The following SFXN2 variants were observed in gnomAD, a reference collection of about 807,000 sequenced individuals.
SFXN2 encodes the protein sideroflexin 2.
Under a neutral mutation model 41.9 loss-of-function variants are expected in SFXN2, and 37 were observed. The ratio of observed to expected loss-of-function variants is 0.88; its 90% CI spans 0.68 to 1.16. The LOEUF (loss-of-function observed/expected upper bound fraction) is 1.16, where lower values mean the gene tolerates loss of function less well. SFXN2 is among the 50% of genes most tolerant of loss of function. SFXN2 has a pLI of 0.00. For synonymous variants in SFXN2, 150 were observed against 156.7 expected (o/e 0.96, Z 0.32); for missense variants, 386 against 425.2 (o/e 0.91, Z 0.81).
chr10:102,728,597 C>T (rs2064648552), intron 4 of SFXN2, 68 bp downstream of exon 4: 1 of 1,363,406 alleles, frequency 7.3e-7, no homozygotes, highest in African/African-American at 1.4e-5. Flanking sequence ...GGGTTCTGGG[C>T]TGTCAGTCCT....
rs755079168 is a variant in SFXN2, at chr10:102,732,267, G to A, written c.721+49G>A. On this transcript the variant is annotated intron_variant, in intron 8 of 11. Transcript: ENST00000369893. ...CCTGGGGAAGCCTGTGACACAGGGTGGAGGTCTCAGCCACACTCAGCTTTT... is the reference window on the plus strand; with the variant it reads ...CCTGGGGAAGCCTGTGACACAGGGTAGAGGTCTCAGCCACACTCAGCTTTT... 4 of 1,558,186 alleles carry A rather than the reference G, an allele frequency of 2.6e-6. No individual in the cohort carries two copies. In the East Asian group the frequency reaches 9.0e-5, roughly 35 times the overall value.
chr10:102,715,144 C>T (rs576002699), intron 1 of SFXN2: 1 of 152,452 alleles, frequency 6.6e-6, no homozygotes, highest in Admixed American at 6.5e-5. Flanking sequence ...GCGATTCTCC[C>T]GCCTCAGACT....
rs2136057036 is a variant in SFXN2 at position 102,732,961 on chromosome 10, TCTGTCC to T, written c.771+56_771+61del. ...CCTGCCCAGAGTGCGTCCAGCCACA[TCTGTCC>T]CTAGGGATACCTGACCTGCCCTCCC... is the stretch of plus-strand genomic sequence containing the variant. On this transcript the variant is annotated intron_variant, in intron 9 of 11. Transcript: ENST00000369893. 3.1e-6 allele frequency: 5 copies of T among 1,592,892 alleles called. No homozygotes were observed. The South Asian group carries it at 5.5e-5, about 18-fold the overall frequency.
rs1469989413 is a variant in SFXN2, at chr10:102,741,439, G to A, written c.*3677G>A. On this transcript the variant is annotated 3_prime_UTR_variant, in exon 12 of 12. Coordinates refer to ENST00000369893, the MANE Select transcript of SFXN2 (RefSeq NM_178858.6). ...CATGGGTAAAAGGTTCCATTGCTCG[G>A]GAGAGGAGGAGGAAGGGAAGAAGAA... is the stretch of plus-strand genomic sequence containing the variant. The A allele has an allele frequency of 6.6e-6, 1 of 152,230 alleles. No individual in the cohort carries two copies. Among genetic ancestry groups the A allele is most frequent in the African/African-American group, 2.4e-5 (1 of 41,434 alleles). The allele number at this position is 152,230 out of a possible 1,614,324, so 9.4% of individuals were successfully genotyped here.
chr10:102,732,131 C>G, intron 7 of SFXN2, 21 bp from the exon 8 acceptor site: 1 of 1,610,196 alleles, frequency 6.2e-7, no homozygotes, highest in Non-Finnish European at 8.5e-7. Flanking sequence ...TTTCTGACAA[C>G]TTACTATTTT....
At chr10:102,726,827 G>A in intron 2 of SFXN2, 30 bp downstream of exon 2, 1 of 1,613,146 alleles carries the variant, frequency 6.2e-7, no homozygotes, top group Non-Finnish European at 8.5e-7. Flanking sequence ...GCTGGAAGTA[G>A]TAGGGTAACA....
Position 102,734,252 on chromosome 10 carries a change from G to A in SFXN2, c.821+649G>A, listed in dbSNP as rs928580772. Among the ~76,000 whole-genome samples the A allele has an allele frequency of 2.6e-5, 4 of 152,156 alleles. No homozygotes were observed. The highest frequency in any genetic ancestry group is 5.9e-5 in the Non-Finnish European group (4 of 68,032). On this transcript the variant is annotated intron_variant, in intron 10 of 11. Coordinates refer to ENST00000369893, the MANE Select transcript of SFXN2 (RefSeq NM_178858.6). The surrounding 1 kb of genome is among the most constrained non-coding windows in gnomAD (Gnocchi z 4.1). ...TGTCATGTGTCCCAGACTCACACAGGAGGGAAATGCCACCAGTCACGTCAG... is the reference window on the plus strand; with the variant it reads ...TGTCATGTGTCCCAGACTCACACAGAAGGGAAATGCCACCAGTCACGTCAG...
intron 1 of SFXN2, among the ~76,000 whole-genome samples, chr10:102,723,034 C>A (rs1461008752): frequency 6.9e-6 from 1 of 144,374 alleles, no homozygotes; most frequent in Non-Finnish European, 1.5e-5. Context: ...TGGGCTCAAG[C>A]ATTCCTCCCA....
At chr10:102,722,032 C>G (rs2064516628) in intron 1 of SFXN2, among the ~76,000 whole-genome samples, 1 of 152,194 alleles carries the variant, frequency 6.6e-6, no homozygotes, top group African/African-American at 2.4e-5. Flanking sequence ...TCTCGTCCAG[C>G]TGGTCTCCCT....
rs1554866861 is a variant in SFXN2 at position 102,724,912 on chromosome 10, C to CG, written c.-25-1699dup. On this transcript the variant is annotated intron_variant, in intron 1 of 11. Coordinates refer to ENST00000369893, the MANE Select transcript of SFXN2 (RefSeq NM_178858.6). ...ATACTTGGCCTGTTTCTTCAAACTGCGTTTTTTTTTTTTTTCTTTTTAGTA... is the reference window on the plus strand; with the variant it reads ...ATACTTGGCCTGTTTCTTCAAACTGCGGTTTTTTTTTTTTTTCTTTTTAGTA... 3.5e-5 allele frequency: 3 copies of CG among 85,780 alleles called. No homozygotes were observed. The Admixed American group carries it at 4.4e-4, about 12-fold the overall frequency. The allele number at this position is 85,780 out of a possible 1,614,324, so 5.3% of individuals were successfully genotyped here.
rs749926645 is a variant in SFXN2 at position 102,737,730 on chromosome 10, G to C, written c.937G>C (p.Glu313Gln). The change falls in exon 12 of 12, where the codon GAG becomes CAG. Residue 313 changes from glutamate to glutamine, a missense_variant. Coordinates refer to ENST00000369893, the MANE Select transcript of SFXN2 (RefSeq NM_178858.6). ...DTIKAKYGEL[E>Q]PYVYFNKGL ...TATCAAGGCCAAGTATGGAGAACTT[G>C]AGCCTTATGTCTACTTCAATAAGGG... 3 of 1,613,086 alleles carry C rather than the reference G, an allele frequency of 1.9e-6. No homozygotes were observed. In the South Asian group the frequency reaches 3.3e-5, roughly 18 times the overall value.
At chr10:102,733,895 T>A (rs1376451869) in intron 10 of SFXN2, among the ~76,000 whole-genome samples, 3 of 292 alleles carry the variant, frequency 0.01, no homozygotes, top group African/African-American at 0.031. Flanking sequence ...GTTTTTTGCT[T>A]TTTTTTTTTT....
rs1030363521 is a variant in SFXN2 at position 102,742,898 on chromosome 10, C to G, written c.*5136C>G. 1 of 152,232 alleles carries G rather than the reference C, an allele frequency of 6.6e-6. No individual in the cohort carries two copies. The highest frequency in any genetic ancestry group is 2.4e-5 in the African/African-American group (1 of 41,438). The allele number at this position is 152,232 out of a possible 1,614,324, so 9.4% of individuals were successfully genotyped here. A position where few individuals can be genotyped will look rare whatever the true frequency, so the allele number is the denominator to read the frequency against. On this transcript the variant is annotated 3_prime_UTR_variant, in exon 12 of 12. Transcript: ENST00000369893. ...ACCAGGCACGCAGATATAAGTGTTA[C>G]AAGAATCCAGAAGAAGCAGCAAGGA...
At chr10:102,716,740 T>G (rs1367503723) in intron 1 of SFXN2, 1 of 151,062 alleles carries the variant, frequency 6.6e-6, no homozygotes, top group Non-Finnish European at 1.5e-5. Flanking sequence ...GGCTAATTTT[T>G]TATTTTTAGT....
rs1384107244 is a variant in SFXN2 at position 102,739,693 on chromosome 10, C to T, written c.*1931C>T. ...TTGGGAGGCCGAGGCAGGTGGATCA[C>T]CTGAGGTCAGGAGTTCGAGACCAGC... On this transcript the variant is annotated 3_prime_UTR_variant, in exon 12 of 12. Transcript: ENST00000369893. 1.3e-5 allele frequency: 2 copies of T among 152,166 alleles called. No individual in the cohort carries two copies. Among genetic ancestry groups the T allele is most frequent in the African/African-American group, 4.8e-5 (2 of 41,408 alleles). 9.4% of individuals were successfully genotyped at this position (152,166 alleles called of 1,614,324 possible). A position where few individuals can be genotyped will look rare whatever the true frequency, so the allele number is the denominator to read the frequency against.
intron 1 of SFXN2, among the ~76,000 whole-genome samples, chr10:102,722,805 T>G (rs535171023): frequency 2.8e-4 from 43 of 152,226 alleles, no homozygotes; most frequent in African/African-American, 1.0e-3. Context: ...TGCCTTGGCC[T>G]GCCAAAGTGC....
chr10:102,729,890 T>C, intron 6 of SFXN2, 82 bp downstream of exon 6: 4 of 1,495,344 alleles, frequency 2.7e-6, no homozygotes, highest in South Asian at 1.1e-5. Context: ...GGGTGGCTTC[T>C]GGGGACTGCG....
Position 102,739,903 on chromosome 10 carries a change from A to C in SFXN2, c.*2141A>C, listed in dbSNP as rs2064826572. 1.4e-5 allele frequency: 1 copy of C among 73,552 alleles called. No individual in the cohort carries two copies. The highest frequency in any genetic ancestry group is 3.0e-5 in the Non-Finnish European group (1 of 33,042). The allele number at this position is 73,552 out of a possible 1,614,324, so 4.6% of individuals were successfully genotyped here. On this transcript the variant is annotated 3_prime_UTR_variant, in exon 12 of 12. Transcript: ENST00000369893. ...ACTCCAACCTGGGCGACTCCGTCTCAAAAAAAAAAAAGAAAACACATCAGA... is the reference window on the plus strand; with the variant it reads ...ACTCCAACCTGGGCGACTCCGTCTCCAAAAAAAAAAAGAAAACACATCAGA...
At chr10:102,729,922 G>A (rs2136050685) in intron 6 of SFXN2, 114 bp downstream of exon 6, 2 of 1,157,446 alleles carry the variant, frequency 1.7e-6, no homozygotes, top group Non-Finnish European at 2.5e-6. Context: ...GAGGGCTGCT[G>A]GGCTGAGCCT....
Sources: gnomAD v4.1 joint callset for allele counts (sites outside exome capture counted in the v4.1 genomes callset) on GRCh38, gnomAD v4.1.1 for gene constraint, Gnocchi (gnomAD v3.1) non-coding constraint, MANE v1.5 for transcripts, NCBI Gene and HGNC (gene_info 2026-07-23, HGNC 2026-07-21) for gene names.